The following FYB1 variants were observed in gnomAD, a reference collection of about 807,000 sequenced individuals.
FYB1 encodes the protein FYN-binding protein 1.
FYB1 carries 41 observed loss-of-function variants against 94.1 expected under a neutral mutation model. The observed-to-expected ratio is 0.44, with a 90% CI of 0.34 to 0.57. The LOEUF is 0.57. Ranked by LOEUF, FYB1 falls within the 20% of genes least tolerant of loss-of-function variation. The pLI, the probability that FYB1 is intolerant of heterozygous loss-of-function variation, is 0.02. For missense variants in FYB1, 1,050 were observed against 976.8 expected, an observed-to-expected ratio of 1.07 and a Z score of -1.00; for synonymous variants, 367 against 353.2, an observed-to-expected ratio of 1.04 and a Z score of -0.44.
At chr5:39,131,106 A>T (rs1477920272) in intron 9 of FYB1, among the ~76,000 whole-genome samples, 1 of 152,104 alleles carries the variant, frequency 6.6e-6, no homozygotes, top group African/African-American at 2.4e-5. Context: ...TTGAAATCTC[A>T]TTCAGGGGGC....
intron 1 of FYB1, among the ~76,000 whole-genome samples, chr5:39,253,842 C>T (rs1751830682): frequency 6.6e-6 from 1 of 152,188 alleles, no homozygotes; most frequent in Admixed American, 6.5e-5. Flanking sequence ...TCCTTCCATC[C>T]TCCACCCTCT....
intron 1 of FYB1, among the ~76,000 whole-genome samples, chr5:39,266,894 C>A (rs1402249858): frequency 1.3e-5 from 2 of 152,168 alleles, no homozygotes; most frequent in South Asian, 2.1e-4. Context: ...CCTGGCACAC[C>A]CCTAAAGGCC....
intron 12 of FYB1, among the ~76,000 whole-genome samples, chr5:39,125,773 T>C (rs1333693116): frequency 6.6e-6 from 1 of 152,292 alleles, no homozygotes. Context: ...AAGTAAAATA[T>C]ATCTTTGAAC....
rs369316304 is a variant in FYB1, at chr5:39,106,736, T to C, written c.*707A>G. The C allele has an allele frequency of 1.3e-5, 2 of 152,076 alleles. No homozygotes were observed. Among genetic ancestry groups the C allele is most frequent in the South Asian group, 4.1e-4 (2 of 4,828 alleles). The allele number at this position is 152,076 out of a possible 1,614,324, so 9.4% of individuals were successfully genotyped here. A position where few individuals can be genotyped will look rare whatever the true frequency, so the allele number is the denominator to read the frequency against. On this transcript the variant is annotated 3_prime_UTR_variant, in exon 19 of 19. Transcript: ENST00000512982. The stretch of plus-strand genomic sequence containing the variant: ...TTAAACAGAGCACAGAATTAAACCA[T>C]TAGTATGTGAATCTGCAAAAAGAGA...
At chr5:39,127,630 G>T in intron 11 of FYB1, 111 bp downstream of exon 11, 1 of 1,165,662 alleles carries the variant, frequency 8.6e-7, no homozygotes, top group Non-Finnish European at 1.2e-6. Flanking sequence ...ATCATTTGGG[G>T]TAATGTGAGA....
At chr5:39,261,147 A>T (rs1752189590) in intron 1 of FYB1, among the ~76,000 whole-genome samples, 1 of 151,892 alleles carries the variant, frequency 6.6e-6, no homozygotes, top group Non-Finnish European at 1.5e-5. Context: ...GGACACAGGG[A>T]GGGGAACAAC....
Position 39,114,057 on chromosome 5 carries a change from G to A in FYB1, c.2402-3668C>T, listed in dbSNP as rs1185521086. Reference sequence around the variant, plus strand: ...TAAAATTGAAAAAAAAATTATGTAAGTTAAAAAAAAATGATCAATTGGATT... The same window carrying A: ...TAAAATTGAAAAAAAAATTATGTAAATTAAAAAAAAATGATCAATTGGATT... On this transcript the variant is annotated intron_variant, in intron 16 of 18. Transcript: ENST00000512982. Among the ~76,000 whole-genome samples the A allele has an allele frequency of 2.6e-5, 4 of 151,886 alleles. No homozygotes were observed. The East Asian group carries it at 7.7e-4, about 29-fold the overall frequency.
chr5:39,153,433 T>C lies in FYB1; in HGVS notation c.1292+15A>G. The C allele has an allele frequency of 3.1e-6, 5 of 1,612,588 alleles. No homozygotes were observed. The highest frequency in any genetic ancestry group is 4.2e-6 in the Non-Finnish European group (5 of 1,178,846). On this transcript the variant is annotated intron_variant, in intron 3 of 18. Transcript: ENST00000512982. ...AGAGACTAGGAAAGAAATCGCAAGA[T>C]AATCTTTTGCTTACTTTAGGTCAAA...
intron 14 of FYB1, among the ~76,000 whole-genome samples, chr5:39,121,183 C>CAAAAAAAA (rs56376626): frequency 5.2e-5 from 3 of 57,666 alleles, no homozygotes; most frequent in Non-Finnish European, 6.7e-5. Context: ...TAATGTAAAG[C>CAAAAAAAA]AAAAAAAAAA....
chr5:39,178,473 C>T (rs772551412), intron 2 of FYB1, among the ~76,000 whole-genome samples: 12 of 152,110 alleles, frequency 7.9e-5, no homozygotes, highest in Non-Finnish European at 1.6e-4. Flanking sequence ...TCAAAATGCC[C>T]GTGGTTTAAT....
chr5:39,185,627 C>CATATATATATACACACATAT (rs1561230374), intron 2 of FYB1, among the ~76,000 whole-genome samples: 1 of 140,102 alleles, frequency 7.1e-6, no homozygotes, highest in African/African-American at 2.9e-5. Context: ...TATATACACA[C>CATATATATATACACACATAT]ATATATATAT....
intron 2 of FYB1, among the ~76,000 whole-genome samples, chr5:39,164,016 G>A (rs926726341): frequency 6.6e-6 from 1 of 152,180 alleles, no homozygotes; most frequent in Non-Finnish European, 1.5e-5. Context: ...AATCCTTTGA[G>A]AACACTTTTA....
chr5:39,219,304 A>G (rs1476681988), intron 1 of FYB1, 139 bp downstream of exon 1: 2 of 416,154 alleles, frequency 4.8e-6, no homozygotes, highest in Non-Finnish European at 6.5e-6. Context: ...CTCTTTTGCT[A>G]TTTTCCAACA....
chr5:39,254,747 T>C (rs966863313), intron 1 of FYB1, among the ~76,000 whole-genome samples: 2 of 152,128 alleles, frequency 1.3e-5, no homozygotes, highest in Non-Finnish European at 2.9e-5. Flanking sequence ...ATCTGAAAAC[T>C]AAAGGTGCTT....
chr5:39,143,335 T>G (rs1365627166), intron 3 of FYB1, among the ~76,000 whole-genome samples: 1 of 152,172 alleles, frequency 6.6e-6, no homozygotes, highest in African/African-American at 2.4e-5. Context: ...TGTTTGTCAC[T>G]CATCTTCAGT....
At chr5:39,151,997 T>C (rs748303411) in intron 3 of FYB1, among the ~76,000 whole-genome samples, 2 of 152,214 alleles carry the variant, frequency 1.3e-5, no homozygotes, top group Non-Finnish European at 2.9e-5. Flanking sequence ...TTCCCCTTCT[T>C]GGGGAAAATT....
intron 2 of FYB1, among the ~76,000 whole-genome samples, chr5:39,175,557 C>T (rs1745645183): frequency 1.3e-5 from 2 of 152,162 alleles, no homozygotes; most frequent in Admixed American, 6.5e-5. Flanking sequence ...AGAAACGCTG[C>T]TGTGTAATTT....
intron 10 of FYB1, among the ~76,000 whole-genome samples, 175 bp downstream of exon 10, chr5:39,130,415 C>T (rs772812508): frequency 1.3e-5 from 2 of 151,994 alleles, no homozygotes; most frequent in East Asian, 1.9e-4. Flanking sequence ...AGTGAGAACT[C>T]GAAATGTTCT....
At chr5:39,243,099 A>G (rs1231009999) in intron 1 of FYB1, among the ~76,000 whole-genome samples, 4 of 152,056 alleles carry the variant, frequency 2.6e-5, no homozygotes, top group East Asian at 1.9e-4. Flanking sequence ...TTGCCTGTTC[A>G]CTCTGATGGT....
Sources: gnomAD v4.1 joint callset for allele counts (sites outside exome capture counted in the v4.1 genomes callset) on GRCh38, gnomAD v4.1.1 for gene constraint, MANE v1.5 for transcripts, NCBI Gene and HGNC (gene_info 2026-07-23, HGNC 2026-07-21) for gene names.